The following ELMO2 variants were observed in gnomAD, a reference collection of about 807,000 sequenced individuals.
The protein encoded by ELMO2 is engulfment and cell motility 2.
In ELMO2, 37 loss-of-function variants were observed where a neutral mutation model predicts 96.2. The observed-to-expected ratio is 0.38, with a 90% CI of 0.30 to 0.51. ELMO2 has a LOEUF of 0.51. ELMO2 is among the 20% of genes least tolerant of loss of function. The pLI is 0.88. For synonymous variants in ELMO2, 315 were observed against 329.4 expected, an observed-to-expected ratio of 0.96 and a Z score of 0.47; for missense variants, 561 against 912.6, an observed-to-expected ratio of 0.61 and a Z score of 4.96.
chr20:46,371,719 G>A lies in ELMO2; in HGVS notation c.1581-28C>T, dbSNP rs757981591. 1.4e-5 allele frequency: 23 copies of A among 1,613,542 alleles called. No individual in the cohort carries two copies. The highest frequency in any genetic ancestry group is 5.5e-5 in the South Asian group (5 of 91,066). On this transcript the variant is annotated intron_variant, in intron 17 of 21. Coordinates refer to ENST00000290246, the MANE Select transcript of ELMO2 (RefSeq NM_133171.5). The surrounding 1 kb of genome is among the most constrained non-coding windows in gnomAD (Gnocchi z 5.9). Reference sequence around the variant, plus strand: ...GGGGTGGACACACACTGGAGTGAGCGGAAGGTCATGGGGACAGTGGAGCTC... The same window carrying A: ...GGGGTGGACACACACTGGAGTGAGCAGAAGGTCATGGGGACAGTGGAGCTC...
At chr20:46,367,906 G>A (rs2059616617) in intron 21 of ELMO2, among the ~76,000 whole-genome samples, 1 of 152,160 alleles carries the variant, frequency 6.6e-6, no homozygotes, top group Non-Finnish European at 1.5e-5. Flanking sequence ...TGTATTAGGT[G>A]AAAAGAAGCA....
At chr20:46,391,853 T>C (rs992259373) in intron 6 of ELMO2, among the ~76,000 whole-genome samples, 3 of 152,226 alleles carry the variant, frequency 2.0e-5, no homozygotes, top group African/African-American at 7.2e-5. Flanking sequence ...GTGAAAATTT[T>C]TGATTTGTGA....
chr20:46,389,310 T>A lies in ELMO2; in HGVS notation c.244-90A>T, dbSNP rs1345471307. The A allele has an allele frequency of 2.2e-6, 3 of 1,367,926 alleles. No individual in the cohort carries two copies. In the African/African-American group the frequency reaches 4.4e-5, roughly 20 times the overall value. The allele number at this position is 1,367,926 out of a possible 1,614,324, so 84.7% of individuals were successfully genotyped here. ...GCTCACAGAGGCCCTTCTGTGGACA[T>A]CCAAACCTGAGGCAGAACTAGTTTT... On this transcript the variant is annotated intron_variant, in intron 6 of 21. Transcript: ENST00000290246.
intron 20 of ELMO2, 156 bp from the exon 21 acceptor site, chr20:46,369,124 G>A: frequency 3.1e-6 from 2 of 644,142 alleles, no homozygotes; most frequent in Non-Finnish European, 2.7e-6. Flanking sequence ...TGTGGCTGGA[G>A]ATGAGGCCCA....
chr20:46,376,711 A>C, intron 11 of ELMO2: 1 of 1,289,280 alleles, frequency 7.8e-7, no homozygotes, highest in African/African-American at 1.5e-5. Context: ...CACCATTATG[A>C]ATCCTGTCCC....
At position 46,386,280 on chromosome 20, in the gene ELMO2, A is replaced by G; in HGVS notation, c.526-5T>C. On this transcript the variant is annotated splice_region_variant and splice_polypyrimidine_tract_variant and intron_variant, in intron 8 of 21. Transcript: ENST00000290246. Reference sequence around the variant, plus strand: ...CTGGCTCACATACCCTGCAATCTAGACCCAGAGATGGCACATCAATTGAGA... The same window carrying G: ...CTGGCTCACATACCCTGCAATCTAGGCCCAGAGATGGCACATCAATTGAGA... 6 of 1,613,582 alleles carry G rather than the reference A, an allele frequency of 3.7e-6. No individual in the cohort carries two copies. The highest frequency in any genetic ancestry group is 5.1e-6 in the Non-Finnish European group (6 of 1,179,766).
At chr20:46,370,402 G>GT (rs2059678913) in intron 20 of ELMO2, 41 bp downstream of exon 20, 1 of 1,578,762 alleles carries the variant, frequency 6.3e-7, no homozygotes, top group Non-Finnish European at 8.7e-7. Context: ...CACTCTCCAA[G>GT]TATCACTGGG....
intron 16 of ELMO2, 88 bp downstream of exon 16, chr20:46,373,311 A>T: frequency 6.4e-7 from 1 of 1,563,400 alleles, no homozygotes; most frequent in South Asian, 1.2e-5. Flanking sequence ...TTTCCAGCTC[A>T]GGGATTCTCC....
intron 6 of ELMO2, among the ~76,000 whole-genome samples, chr20:46,392,720 G>C (rs1218840707): frequency 6.6e-6 from 1 of 152,202 alleles, no homozygotes; most frequent in Non-Finnish European, 1.5e-5. Flanking sequence ...TCTCTGACTG[G>C]AATACTTTTC....
Position 46,370,429 on chromosome 20 carries a change from G to T in ELMO2, c.1884+14C>A, listed in dbSNP as rs200469566. 7 of 1,613,400 alleles carry T rather than the reference G, an allele frequency of 4.3e-6. No individual in the cohort carries two copies. In the African/African-American group the frequency reaches 9.3e-5, roughly 22 times the overall value. On this transcript the variant is annotated intron_variant, in intron 20 of 21. Coordinates refer to ENST00000290246, the MANE Select transcript of ELMO2 (RefSeq NM_133171.5). Reference sequence around the variant, plus strand: ...ATCACTGGGCCAGCTACTCAAACTGGCCTCTCTACTCACCTTGTTCTGTTT... The same window carrying T: ...ATCACTGGGCCAGCTACTCAAACTGTCCTCTCTACTCACCTTGTTCTGTTT...
chr20:46,388,263 T>G (rs1392369261), intron 7 of ELMO2, among the ~76,000 whole-genome samples: 1 of 152,220 alleles, frequency 6.6e-6, no homozygotes, highest in African/African-American at 2.4e-5. Context: ...TGATGGCAGC[T>G]GAAGGCTTCA....
intron 19 of ELMO2, among the ~76,000 whole-genome samples, chr20:46,370,903 G>A (rs2059689088): frequency 6.6e-6 from 1 of 152,184 alleles, no homozygotes; most frequent in Non-Finnish European, 1.5e-5. Flanking sequence ...CTGACTACCT[G>A]CCAACCACTC....
chr20:46,373,541 G>C lies in ELMO2; in HGVS notation c.1280-6C>G, dbSNP rs1278296594. ...GTCATTGCGTCCTTCATTTGCTGTG[G>C]AAGTGAAAAAACAGGGAGAAGATGA... On this transcript the variant is annotated splice_polypyrimidine_tract_variant and splice_region_variant and intron_variant, in intron 15 of 21. Transcript: ENST00000290246. 2 of 1,612,672 alleles carry C rather than the reference G, an allele frequency of 1.2e-6. No individual in the cohort carries two copies. Among genetic ancestry groups the C allele is most frequent in the Admixed American group, 1.7e-5 (1 of 59,730 alleles).
chr20:46,387,086 C>T (rs2060059132), intron 8 of ELMO2, among the ~76,000 whole-genome samples: 2 of 152,316 alleles, frequency 1.3e-5, no homozygotes, highest in South Asian at 2.1e-4. Context: ...CCCAGTCTCA[C>T]TGACAATCTA....
At chr20:46,403,591 G>A (rs1243532183) in intron 1 of ELMO2, among the ~76,000 whole-genome samples, 1 of 152,206 alleles carries the variant, frequency 6.6e-6, no homozygotes, top group African/African-American at 2.4e-5. Flanking sequence ...GCAGCCTCCA[G>A]CCCATACTGA....
chr20:46,383,361 G>T, intron 10 of ELMO2, 55 bp downstream of exon 10: 1 of 1,514,526 alleles, frequency 6.6e-7, no homozygotes, highest in Non-Finnish European at 9.2e-7. Flanking sequence ...AGTGCATGGG[G>T]TGAGAATTAT....
intron 1 of ELMO2, among the ~76,000 whole-genome samples, chr20:46,402,316 C>T (rs1042883935): frequency 1.3e-5 from 2 of 152,152 alleles, no homozygotes; most frequent in Non-Finnish European, 2.9e-5. Context: ...AGGAAAATTC[C>T]CTCCAGGGTG....
intron 4 of ELMO2, 115 bp from the exon 5 acceptor site, chr20:46,393,716 T>A: frequency 8.6e-7 from 1 of 1,166,422 alleles, no homozygotes; most frequent in Non-Finnish European, 1.3e-6. Context: ...TGGAATACAG[T>A]GGAAACAAAG....
At chr20:46,383,276 T>C in intron 10 of ELMO2, 140 bp downstream of exon 10, 1 of 890,590 alleles carries the variant, frequency 1.1e-6, no homozygotes, top group Admixed American at 2.1e-5. Flanking sequence ...GCCACCCTCC[T>C]GGGCTCCAGA....
Sources: gnomAD v4.1 joint callset for allele counts (sites outside exome capture counted in the v4.1 genomes callset) on GRCh38, gnomAD v4.1.1 for gene constraint, Gnocchi (gnomAD v3.1) non-coding constraint, MANE v1.5 for transcripts, NCBI Gene and HGNC (gene_info 2026-07-23, HGNC 2026-07-21) for gene names.